Variants in RAB3GAP2 observed in about 807,000 individuals in gnomAD.
RAB3GAP2 encodes the protein RAB3 GTPase activating non-catalytic protein subunit 2, also known as rab3 GTPase-activating protein non-catalytic subunit.
RAB3GAP2 carries 87 observed loss-of-function variants against 185.3 expected under a neutral mutation model. The observed-to-expected ratio is 0.47, with a 90% CI of 0.39 to 0.56. The LOEUF is 0.56. Ranked by LOEUF, RAB3GAP2 falls within the 20% of genes least tolerant of loss-of-function variation. The pLI is 0.00. For synonymous variants in RAB3GAP2, 554 were observed against 576.1 expected (o/e 0.96, Z 0.55); for missense variants, 1,492 against 1,638.2 (o/e 0.91, Z 1.54).
Position 220,272,393 on chromosome 1 carries a change from C to A in RAB3GAP2, c.-56G>T. ...CTTACCTCACCACGCCCTGCCCCCTCCACCCCACTGCGGCCGCCACCGAGC... is the reference window on the plus strand; with the variant it reads ...CTTACCTCACCACGCCCTGCCCCCTACACCCCACTGCGGCCGCCACCGAGC... On this transcript the variant is annotated 5_prime_UTR_variant, in exon 1 of 35. Coordinates refer to ENST00000358951, the MANE Select transcript of RAB3GAP2 (RefSeq NM_012414.4). 3.9e-6 allele frequency: 5 copies of A among 1,297,870 alleles called. No individual in the cohort carries two copies. The highest frequency in any genetic ancestry group is 4.4e-6 in the Non-Finnish European group (4 of 911,408). 80.4% of individuals were successfully genotyped at this position (1,297,870 alleles called of 1,614,324 possible). A position where few individuals can be genotyped will look rare whatever the true frequency, so the allele number is the denominator to read the frequency against.
intron 1 of RAB3GAP2, among the ~76,000 whole-genome samples, chr1:220,253,086 G>GTGGAGAATAGACAGTTTACGA (rs1558171701): frequency 6.6e-6 from 1 of 152,202 alleles, no homozygotes; most frequent in Non-Finnish European, 1.5e-5. Context: ...CCTGCTGGCT[G>GTGGAGAATAGACAGTTTACGA]TGGAGAATAG....
intron 10 of RAB3GAP2, 111 bp from the exon 11 acceptor site, chr1:220,195,488 T>A: frequency 1.0e-6 from 1 of 988,526 alleles, no homozygotes; most frequent in Non-Finnish European, 1.6e-6. Flanking sequence ...AAGGCTGGAC[T>A]AGCAACTCAG....
chr1:220,228,202 A>G (rs373548629), intron 2 of RAB3GAP2, among the ~76,000 whole-genome samples: 1 of 152,144 alleles, frequency 6.6e-6, no homozygotes, highest in African/African-American at 2.4e-5. Flanking sequence ...TCTGTTCCTA[A>G]TAAGAGAGAG....
At chr1:220,217,750 T>C (rs190076765) in intron 2 of RAB3GAP2, among the ~76,000 whole-genome samples, 157 of 152,338 alleles carry the variant, frequency 1.0e-3, no homozygotes, top group Non-Finnish European at 1.7e-3. Flanking sequence ...CTAAAGCTAG[T>C]ATATTCAGTC....
At chr1:220,159,092 C>G (rs1657911831) in intron 29 of RAB3GAP2, among the ~76,000 whole-genome samples, 1 of 152,112 alleles carries the variant, frequency 6.6e-6, no homozygotes, top group Non-Finnish European at 1.5e-5. Flanking sequence ...TTATAAATGT[C>G]TAATCGGAAT....
intron 2 of RAB3GAP2, among the ~76,000 whole-genome samples, chr1:220,220,852 C>G (rs1389457568): frequency 6.6e-6 from 1 of 152,186 alleles, no homozygotes; most frequent in African/African-American, 2.4e-5. Context: ...TGTGAGGCCT[C>G]CCCAGCCACG....
chr1:220,255,962 C>T (rs1047720841), intron 1 of RAB3GAP2, among the ~76,000 whole-genome samples: 3 of 152,052 alleles, frequency 2.0e-5, no homozygotes, highest in African/African-American at 7.2e-5. Flanking sequence ...GAAGATCAAC[C>T]CCAAGACACA....
chr1:220,158,925 C>A lies in RAB3GAP2; in HGVS notation c.3261+461G>T, dbSNP rs551012699. Among the ~76,000 whole-genome samples, 1 of 152,230 alleles carries A rather than the reference C, an allele frequency of 6.6e-6. No homozygotes were observed. The highest frequency in any genetic ancestry group is 2.4e-5 in the African/African-American group (1 of 41,552). ...CAATGGAAGCTAGTACTATTAATTT[C>A]TTGGGTCAAATACAAGTCCCATATC... On this transcript the variant is annotated intron_variant, in intron 29 of 34. Coordinates refer to ENST00000358951, the MANE Select transcript of RAB3GAP2 (RefSeq NM_012414.4). This position sits in a 1 kb window ranked among gnomAD's most constrained non-coding sequence, Gnocchi z 4.3.
At chr1:220,246,689 A>C (rs1659824206) in intron 1 of RAB3GAP2, among the ~76,000 whole-genome samples, 1 of 132,766 alleles carries the variant, frequency 7.5e-6, no homozygotes, top group Admixed American at 7.7e-5. Context: ...CAAACACCGC[A>C]TATTCTCACT....
chr1:220,196,345 C>T lies in RAB3GAP2; in HGVS notation c.865G>A (p.Gly289Arg). The T allele has an allele frequency of 6.2e-7, 1 of 1,607,734 alleles. No homozygotes were observed. The highest frequency in any genetic ancestry group is 8.5e-7 in the Non-Finnish European group (1 of 1,174,514). ...DQMKTASNIG[G>R]FNAAIKNSPP... ...CTATTTTTAATTGCTGCATTAAATCCACCTATATTGGAGGCAGTCTTCATT... is the reference window on the plus strand; with the variant it reads ...CTATTTTTAATTGCTGCATTAAATCTACCTATATTGGAGGCAGTCTTCATT... Residue 289 changes from glycine to arginine, a missense_variant, in exon 10 of 35, where the codon GGA (glycine) becomes AGA (arginine). Physicochemically the swap from Gly to Arg is moderately radical, Grantham distance 125. Around this residue, in one of 5 missense-constraint regions of RAB3GAP2, gnomAD observed 243 missense variants for 314.8 expected, o/e 0.77. Transcript: ENST00000358951.
intron 21 of RAB3GAP2, among the ~76,000 whole-genome samples, chr1:220,181,064 A>T (rs991858714): frequency 7.2e-5 from 11 of 152,256 alleles, no homozygotes; most frequent in African/African-American, 2.4e-4. Context: ...TATTATAAGT[A>T]ACCTAGATAT....
chr1:220,186,471 G>C (rs1290888625), intron 17 of RAB3GAP2, among the ~76,000 whole-genome samples: 1 of 152,130 alleles, frequency 6.6e-6, no homozygotes, highest in Non-Finnish European at 1.5e-5. Context: ...GGGCTTAGAG[G>C]GTGGCTCAAG....
At chr1:220,256,120 G>T (rs1660028093) in intron 1 of RAB3GAP2, among the ~76,000 whole-genome samples, 1 of 152,142 alleles carries the variant, frequency 6.6e-6, no homozygotes, top group Non-Finnish European at 1.5e-5. Context: ...TTAAAGAAAA[G>T]AATTTCCAGG....
rs183605772 is a variant in RAB3GAP2 at position 220,243,056 on chromosome 1, A to T, written c.116-10193T>A. Among the ~76,000 whole-genome samples, 394 of 151,936 alleles carry T rather than the reference A, an allele frequency of 2.6e-3. 3 individuals carry two copies. The highest frequency in any genetic ancestry group is 7.3e-3 in the African/African-American group (303 of 41,350). On this transcript the variant is annotated intron_variant, in intron 1 of 34. Transcript: ENST00000358951. ...CTTCAACATCAGCCTTTATTTTTTTAAAAAAAAGATATAACAGGCTGGGCA... is the reference window on the plus strand; with the variant it reads ...CTTCAACATCAGCCTTTATTTTTTTTAAAAAAAGATATAACAGGCTGGGCA...
intron 27 of RAB3GAP2, among the ~76,000 whole-genome samples, chr1:220,162,542 C>T (rs1004633997): frequency 3.3e-5 from 5 of 152,074 alleles, no homozygotes; most frequent in Non-Finnish European, 5.9e-5. Context: ...AATACAATGT[C>T]ACAGTGAGAC....
intron 3 of RAB3GAP2, among the ~76,000 whole-genome samples, chr1:220,213,617 T>C (rs1571904233): frequency 6.8e-6 from 1 of 147,806 alleles, no homozygotes; most frequent in East Asian, 2.0e-4. Context: ...AGGTACCATA[T>C]GGAGAGCACT....
intron 21 of RAB3GAP2, among the ~76,000 whole-genome samples, chr1:220,175,460 G>C (rs1019092015): frequency 6.6e-6 from 1 of 151,844 alleles, no homozygotes; most frequent in Non-Finnish European, 1.5e-5. Context: ...CTCGTGATTC[G>C]CCCGCCTTGG....
intron 7 of RAB3GAP2, among the ~76,000 whole-genome samples, chr1:220,209,413 C>A (rs960472812): frequency 2.6e-5 from 4 of 152,106 alleles, no homozygotes; most frequent in African/African-American, 7.2e-5. Flanking sequence ...TTTTCTATTA[C>A]CTAATTAAAT....
intron 28 of RAB3GAP2, among the ~76,000 whole-genome samples, chr1:220,160,521 C>CCAGA (rs1657946292): frequency 6.6e-6 from 1 of 152,218 alleles, no homozygotes; most frequent in Non-Finnish European, 1.5e-5. Flanking sequence ...ACCACATGTG[C>CCAGA]CAGACCCTGT....
Sources: gnomAD v4.1 joint callset for allele counts (sites outside exome capture counted in the v4.1 genomes callset) on GRCh38, gnomAD v4.1.1 for gene constraint, gnomAD v4.1.1 regional missense constraint, Gnocchi (gnomAD v3.1) non-coding constraint, MANE v1.5 for transcripts, NCBI Gene and HGNC (gene_info 2026-07-23, HGNC 2026-07-21) for gene names.